AGAP1: variants seen among roughly 807,000 people sequenced by gnomAD.
The protein encoded by AGAP1 is ArfGAP with GTPase domain, ankyrin repeat and PH domain 1.
A neutral mutation model predicts 105.3 loss-of-function variants in AGAP1; 29 were observed. That is an observed-to-expected ratio of 0.28 (90% CI 0.21 to 0.38). The LOEUF (loss-of-function observed/expected upper bound fraction) is 0.38, where lower values mean the gene tolerates loss of function less well. AGAP1 is among the 10% of genes least tolerant of loss of function. The pLI, the probability that AGAP1 is intolerant of heterozygous loss-of-function variation, is 1.00. For missense variants in AGAP1, 998 were observed against 1,165.1 expected (o/e 0.86, Z 2.09); for synonymous variants, 509 against 485.9 (o/e 1.05, Z -0.63).
At chr2:235,570,863 C>T (rs148552420) in intron 1 of AGAP1, among the ~76,000 whole-genome samples, 2 of 152,326 alleles carry the variant, frequency 1.3e-5, no homozygotes, top group African/African-American at 2.4e-5. Context: ...CGAGGAATCT[C>T]AGGTATCTGC....
At chr2:235,503,160 C>T (rs1467074962) in intron 1 of AGAP1, among the ~76,000 whole-genome samples, 7 of 152,248 alleles carry the variant, frequency 4.6e-5, no homozygotes, top group East Asian at 1.9e-4. Context: ...TTGGTATTGT[C>T]GGAAGTGCTG....
chr2:235,912,953 C>T (rs2051691803), intron 11 of AGAP1, among the ~76,000 whole-genome samples: 1 of 152,076 alleles, frequency 6.6e-6, no homozygotes, highest in African/African-American at 2.4e-5. Context: ...TAGGTGTATC[C>T]TTTGCCCATT....
rs2054021055 is a variant in AGAP1 at position 235,958,033 on chromosome 2, C to T, written c.1484-10429C>T. Reference sequence around the variant, plus strand: ...CGATACATACGTGCTTAGCATTTTCCTCTCTCTTTTCTTTTGTCTTTCTTT... The same window carrying T: ...CGATACATACGTGCTTAGCATTTTCTTCTCTCTTTTCTTTTGTCTTTCTTT... On this transcript the variant is annotated intron_variant, in intron 12 of 17. Transcript: ENST00000304032. This position sits in a 1 kb window ranked among gnomAD's most constrained non-coding sequence, Gnocchi z 4.1. 6.6e-6 allele frequency among the ~76,000 whole-genome samples: 1 copy of T among 152,182 alleles called. No individual in the cohort carries two copies. Among genetic ancestry groups the T allele is most frequent in the South Asian group, 2.1e-4 (1 of 4,830 alleles).
In AGAP1 at chr2:235,673,174, G is replaced by A. The variant is rs562017163; in HGVS notation, c.164-36005G>A. On this transcript the variant is annotated intron_variant, in intron 1 of 17. Coordinates refer to ENST00000304032, the MANE Select transcript of AGAP1 (RefSeq NM_001037131.3). ...TTCTTAGGATTTTGGTGATGCCAGT[G>A]TCTGTTACAGGTAAAAGGTGTAGCC... 3.9e-5 allele frequency among the ~76,000 whole-genome samples: 6 copies of A among 152,348 alleles called. No homozygotes were observed. The South Asian group carries it at 1.2e-3, about 32-fold the overall frequency.
At position 236,082,134 on chromosome 2, in the gene AGAP1, G is replaced by A. The variant is rs1367270042; in HGVS notation, c.2114+32853G>A. 6.6e-6 allele frequency among the ~76,000 whole-genome samples: 1 copy of A among 152,138 alleles called. No individual in the cohort carries two copies. Among genetic ancestry groups the A allele is most frequent in the Non-Finnish European group, 1.5e-5 (1 of 68,022 alleles). On this transcript the variant is annotated intron_variant, in intron 16 of 17. Coordinates refer to ENST00000304032, the MANE Select transcript of AGAP1 (RefSeq NM_001037131.3). The surrounding 1 kb of genome is among the most constrained non-coding windows in gnomAD (Gnocchi z 4.2). ...CCTTTTCTTTCCCCCGATCACATTT[G>A]CTAGATGTCCATTTCTGTAAGTTTT...
intron 1 of AGAP1, among the ~76,000 whole-genome samples, chr2:235,598,529 G>T (rs1040862459): frequency 1.8e-4 from 28 of 152,182 alleles, no homozygotes; most frequent in African/African-American, 6.5e-4. Context: ...CTGTTTCCAG[G>T]AACCTATTGG....
At position 236,101,773 on chromosome 2, in the gene AGAP1, G is replaced by A. The variant is rs899916309; in HGVS notation, c.2115-18419G>A. On this transcript the variant is annotated intron_variant, in intron 16 of 17. Coordinates refer to ENST00000304032, the MANE Select transcript of AGAP1 (RefSeq NM_001037131.3). This position sits in a 1 kb window ranked among gnomAD's most constrained non-coding sequence, Gnocchi z 4.9. ...CGCCGTGGGCTTCATGCCACGTTAC[G>A]CGGAGTCTAGGACGGCCTCACCCCG... 1.2e-4 allele frequency among the ~76,000 whole-genome samples: 18 copies of A among 152,216 alleles called. No homozygotes were observed. The highest frequency in any genetic ancestry group is 3.9e-4 in the African/African-American group (16 of 41,462).
At chr2:235,849,753 T>C (rs1961954652) in intron 9 of AGAP1, among the ~76,000 whole-genome samples, 1 of 152,172 alleles carries the variant, frequency 6.6e-6, no homozygotes, top group African/African-American at 2.4e-5. Flanking sequence ...AAGCCCTCAC[T>C]TCTCCAGGAC....
At chr2:236,117,609 G>A (rs971158093) in intron 16 of AGAP1, among the ~76,000 whole-genome samples, 13 of 152,186 alleles carry the variant, frequency 8.5e-5, no homozygotes, top group African/African-American at 1.9e-4. Context: ...AAAGTCAATC[G>A]GAGCGGAATC....
rs1001473442 is a variant in AGAP1, at chr2:235,714,866, C to T, written c.223-2691C>T. ...CAGGCTGGAGTCCAGTGGTGTATCT[C>T]GGCTCACTGCAACCTCCGCCTCCTG... On this transcript the variant is annotated intron_variant, in intron 2 of 17. Transcript: ENST00000304032. This position sits in a 1 kb window ranked among gnomAD's most constrained non-coding sequence, Gnocchi z 4.1. Among the ~76,000 whole-genome samples the T allele has an allele frequency of 4.6e-5, 7 of 152,140 alleles. No individual in the cohort carries two copies. The highest frequency in any genetic ancestry group is 8.8e-5 in the Non-Finnish European group (6 of 68,018).
At chr2:235,756,369 T>C (rs1178318344) in intron 6 of AGAP1, among the ~76,000 whole-genome samples, 1 of 152,106 alleles carries the variant, frequency 6.6e-6, no homozygotes, top group Non-Finnish European at 1.5e-5. Flanking sequence ...GATTGTTAAA[T>C]TATGGTGTCT....
chr2:235,618,349 A>G (rs1287608008), intron 1 of AGAP1, among the ~76,000 whole-genome samples: 2 of 151,906 alleles, frequency 1.3e-5, no homozygotes, highest in East Asian at 3.9e-4. Context: ...CCTTCATCCT[A>G]CTCTACAGAG....
chr2:235,892,934 CT>C (rs2050613881), intron 10 of AGAP1, among the ~76,000 whole-genome samples: 1 of 152,230 alleles, frequency 6.6e-6, no homozygotes, highest in African/African-American at 2.4e-5. Flanking sequence ...ACAGACCTCC[CT>C]TTCTTACTGA....
At chr2:235,726,619 C>T (rs938145214) in intron 3 of AGAP1, among the ~76,000 whole-genome samples, 6 of 152,166 alleles carry the variant, frequency 3.9e-5, no homozygotes, top group South Asian at 2.1e-4. Flanking sequence ...TTGATCACGC[C>T]ATCTCTCTGG....
chr2:236,033,026 A>C (rs998888145), intron 13 of AGAP1, among the ~76,000 whole-genome samples: 9 of 152,236 alleles, frequency 5.9e-5, no homozygotes, highest in African/African-American at 1.9e-4. Flanking sequence ...TGGGCGGATC[A>C]CCTGAGGTCA....
intron 8 of AGAP1, among the ~76,000 whole-genome samples, chr2:235,804,685 T>C (rs1264849666): frequency 6.6e-6 from 1 of 152,246 alleles, no homozygotes; most frequent in Non-Finnish European, 1.5e-5. Flanking sequence ...AAGCAGGTGA[T>C]AATTGGATTA....
chr2:235,497,789 G>A (rs1400867693), intron 1 of AGAP1, among the ~76,000 whole-genome samples: 1 of 152,092 alleles, frequency 6.6e-6, no homozygotes, highest in Non-Finnish European at 1.5e-5. Flanking sequence ...GTAGAGACGG[G>A]GTTTCATTGT....
rs116216282 is a variant in AGAP1, at chr2:235,614,985, C to T, written c.164-94194C>T. Among the ~76,000 whole-genome samples, 2,449 of 152,262 alleles carry T rather than the reference C, an allele frequency of 0.016. 59 individuals are homozygous for T. Among genetic ancestry groups the T allele is most frequent in the African/African-American group, 0.055 (2,293 of 41,540 alleles). On this transcript the variant is annotated intron_variant, in intron 1 of 17. Transcript: ENST00000304032. This position sits in a 1 kb window ranked among gnomAD's most constrained non-coding sequence, Gnocchi z 4.7. ...AGTAAACTTCTGCCTGTGTGTGGTG[C>T]GCTCAAATAAAGGAGGCTGTTCAAG...
chr2:235,571,780 C>T (rs943004855), intron 1 of AGAP1, among the ~76,000 whole-genome samples: 1 of 151,824 alleles, frequency 6.6e-6, no homozygotes, highest in Admixed American at 6.6e-5. Flanking sequence ...CAGAGTGGCC[C>T]TCCAAAAGGG....
Sources: gnomAD v4.1 joint callset for allele counts (sites outside exome capture counted in the v4.1 genomes callset) on GRCh38, gnomAD v4.1.1 for gene constraint, Gnocchi (gnomAD v3.1) non-coding constraint, MANE v1.5 for transcripts, NCBI Gene and HGNC (gene_info 2026-07-23, HGNC 2026-07-21) for gene names.